EPB41L4A: variants seen among roughly 807,000 people sequenced by gnomAD.
The protein encoded by EPB41L4A is erythrocyte membrane protein band 4.1 like 4A.
A neutral mutation model predicts 108.6 loss-of-function variants in EPB41L4A; 100 were observed. The ratio of observed to expected loss-of-function variants is 0.92; its 90% CI spans 0.78 to 1.09. The LOEUF is 1.09. Ranked by LOEUF, EPB41L4A falls within the 50% of genes least tolerant of loss-of-function variation. The pLI is 0.00. For synonymous variants in EPB41L4A, 319 were observed against 289.0 expected (o/e 1.10, Z -1.05); for missense variants, 1,030 against 842.7 (o/e 1.22, Z -2.75).
At chr5:112,142,175 A>C (rs140646667), downstream of EPB41L4A, among the ~76,000 whole-genome samples, 51 of 152,292 alleles carry the variant, frequency 3.3e-4, 1 homozygote, top group South Asian at 7.5e-3. Context: ...AAGACTCCTC[A>C]ACTTAAATAA....
At chr5:112,143,840 T>C (rs948709624) in exon 14 of EPB41L4A, 2 of 455,432 alleles carry the variant, frequency 4.4e-6, no homozygotes, top group Admixed American at 4.7e-5. Context: ...CATCACTTCA[T>C]GTGCTGACCC....
chr5:112,304,742 T>C (rs1754579107), intron 2 of EPB41L4A, among the ~76,000 whole-genome samples: 1 of 152,220 alleles, frequency 6.6e-6, no homozygotes, highest in South Asian at 2.1e-4. Flanking sequence ...ACATGTTCAA[T>C]GCCTTATCAT....
chr5:112,239,207 A>G (rs1400625572), intron 11 of EPB41L4A, among the ~76,000 whole-genome samples: 3 of 152,262 alleles, frequency 2.0e-5, no homozygotes, highest in Admixed American at 6.5e-5. Context: ...AAGTTGAGAT[A>G]TAATTGCTAG....
chr5:112,180,413 A>G (rs888086702), intron 18 of EPB41L4A, among the ~76,000 whole-genome samples: 1 of 152,182 alleles, frequency 6.6e-6, no homozygotes, highest in African/African-American at 2.4e-5. Context: ...ATTGGCCCAC[A>G]TGTGAGCAGT....
At chr5:112,174,337 C>A (rs1760755053) in intron 18 of EPB41L4A, among the ~76,000 whole-genome samples, 1 of 152,192 alleles carries the variant, frequency 6.6e-6, no homozygotes, top group Non-Finnish European at 1.5e-5. Context: ...AGTCATTTTT[C>A]TTAATTTGAG....
chr5:112,278,607 A>G (rs1210789760), intron 3 of EPB41L4A, among the ~76,000 whole-genome samples: 2 of 152,112 alleles, frequency 1.3e-5, no homozygotes. Flanking sequence ...TTATAGACTG[A>G]TACTTAAATA....
At chr5:112,404,013 T>C (rs1761940071) in intron 1 of EPB41L4A, among the ~76,000 whole-genome samples, 1 of 152,254 alleles carries the variant, frequency 6.6e-6, no homozygotes, top group Admixed American at 6.5e-5. Flanking sequence ...GTAAGCTCTG[T>C]TCCATGCAAT....
intron 2 of EPB41L4A, among the ~76,000 whole-genome samples, chr5:112,282,798 G>C (rs952524957): frequency 6.6e-6 from 1 of 152,164 alleles, no homozygotes; most frequent in Non-Finnish European, 1.5e-5. Context: ...GTCTAATCTT[G>C]TTCTGAAACT....
intron 1 of EPB41L4A, among the ~76,000 whole-genome samples, chr5:112,318,006 T>C (rs181898126): frequency 1.1e-3 from 160 of 152,284 alleles, no homozygotes; most frequent in Middle Eastern, 3.4e-3. Context: ...ATGACATAGA[T>C]TGCAAAATAG....
At chr5:112,417,473 T>C (rs1327651733) in intron 1 of EPB41L4A, among the ~76,000 whole-genome samples, 2 of 152,254 alleles carry the variant, frequency 1.3e-5, no homozygotes, top group Admixed American at 6.5e-5. Context: ...CTATATATTA[T>C]CTACAATTTA....
chr5:112,396,575 A>G (rs931631130), intron 1 of EPB41L4A, among the ~76,000 whole-genome samples: 2 of 152,236 alleles, frequency 1.3e-5, no homozygotes, highest in African/African-American at 4.8e-5. Flanking sequence ...TTGCGACGTT[A>G]TGGTCAGAGT....
intron 2 of EPB41L4A, among the ~76,000 whole-genome samples, chr5:112,285,949 C>T (rs1753250462): frequency 6.6e-6 from 1 of 152,106 alleles, no homozygotes; most frequent in East Asian, 1.9e-4. Flanking sequence ...CCCAAAAGTA[C>T]AGAACAGCAG....
chr5:112,419,284 G>A (rs1017384594), upstream of EPB41L4A: 10 of 373,562 alleles, frequency 2.7e-5, no homozygotes, highest in African/African-American at 2.2e-4. Flanking sequence ...AACTGGGCGC[G>A]GAGGGCGGTG....
intron 1 of EPB41L4A, among the ~76,000 whole-genome samples, chr5:112,389,641 T>C (rs949665640): frequency 3.3e-5 from 5 of 152,264 alleles, no homozygotes; most frequent in Non-Finnish European, 5.9e-5. Context: ...TTTTGTTGTT[T>C]CTGCCTTCTT....
chr5:112,306,256 T>G (rs1264572487), intron 2 of EPB41L4A, among the ~76,000 whole-genome samples: 1 of 152,174 alleles, frequency 6.6e-6, no homozygotes, highest in Non-Finnish European at 1.5e-5. Flanking sequence ...ACTGCTATAT[T>G]TATTCATGGT....
chr5:112,336,723 T>G (rs1000203328), intron 1 of EPB41L4A, among the ~76,000 whole-genome samples: 4 of 152,198 alleles, frequency 2.6e-5, no homozygotes, highest in African/African-American at 9.7e-5. Context: ...GCTGTGCCAC[T>G]GAGATACAAG....
At chr5:112,328,037 C>T (rs757411280) in intron 1 of EPB41L4A, among the ~76,000 whole-genome samples, 57 of 152,200 alleles carry the variant, frequency 3.7e-4, no homozygotes, top group Non-Finnish European at 7.2e-4. Context: ...AGGCCGGACA[C>T]GGTGGCTCAC....
chr5:112,236,356 G>GTAGTT (rs1749330428), intron 11 of EPB41L4A, among the ~76,000 whole-genome samples: 1 of 152,186 alleles, frequency 6.6e-6, no homozygotes. Flanking sequence ...AACAGCACAT[G>GTAGTT]TAGCTGTTGG....
chr5:112,373,739 G>C (rs1759636028), intron 1 of EPB41L4A, among the ~76,000 whole-genome samples: 1 of 152,196 alleles, frequency 6.6e-6, no homozygotes, highest in Admixed American at 6.5e-5. Flanking sequence ...CTAGAGTCCA[G>C]CTTCAAAGTC....
Sources: gnomAD v4.1 joint callset for allele counts (sites outside exome capture counted in the v4.1 genomes callset) on GRCh38, gnomAD v4.1.1 for gene constraint, MANE v1.5 for transcripts, NCBI Gene and HGNC (gene_info 2026-07-23, HGNC 2026-07-21) for gene names.